Variants in PCDHGA2 observed in about 807,000 individuals in gnomAD.
PCDHGA2 encodes protocadherin gamma-A2.
A neutral mutation model predicts 59.2 loss-of-function variants in PCDHGA2; 40 were observed. That is an observed-to-expected ratio of 0.68 (90% confidence interval 0.52 to 0.88). The LOEUF is 0.88. PCDHGA2 is among the 40% of genes least tolerant of loss of function. PCDHGA2 has a pLI of 0.00. For synonymous variants in PCDHGA2, 560 were observed against 526.0 expected (o/e 1.06, Z -0.89); for missense variants, 1,226 against 1,204.0 (o/e 1.02, Z -0.27).
At chr5:141,444,757 C>T (rs919228537) in intron 1 of PCDHGA2, among the ~76,000 whole-genome samples, 4 of 152,050 alleles carry the variant, frequency 2.6e-5, no homozygotes, top group African/African-American at 9.7e-5. Flanking sequence ...ATATGTAGTT[C>T]TATTTCTATA....
At chr5:141,389,363 C>A (rs776814041) in intron 1 of PCDHGA2, 5 of 1,613,868 alleles carry the variant, frequency 3.1e-6, no homozygotes, top group Non-Finnish European at 4.2e-6. Context: ...TGGCCAGTGA[C>A]CTGGAGCAGC....
rs1217855050 is a variant in PCDHGA2 at position 141,339,285 on chromosome 5, AT to A, written c.318del (p.Phe106LeufsTer9). 13 of 1,614,150 alleles carry A rather than the reference AT, an allele frequency of 8.1e-6. No individual in the cohort carries two copies. The highest frequency in any genetic ancestry group is 1.1e-5 in the Non-Finnish European group (13 of 1,180,064). On this transcript the variant is annotated frameshift_variant, in exon 1 of 4. Transcript: ENST00000394576. LOFTEE classifies it high-confidence loss of function. ...GCTCAGAGCGCACCCTGTCTGTTGA[AT>A]TTTAACATTCTGCTGGAGGATAAAT... The part of the protein sequence containing the change: ...LCAQSAPCLL[N>X]FNILLEDKLT...
chr5:141,463,125 G>A (rs2099053159), intron 1 of PCDHGA2, among the ~76,000 whole-genome samples: 3 of 152,192 alleles, frequency 2.0e-5, no homozygotes, highest in East Asian at 1.9e-4. Context: ...ATAGCTCCCT[G>A]GCAGTTCTTC....
At chr5:141,366,469 G>T (rs575828819) in intron 1 of PCDHGA2, 4 of 1,614,256 alleles carry the variant, frequency 2.5e-6, no homozygotes, top group Admixed American at 1.7e-5. Context: ...TGCTGCTGGT[G>T]CTCAGACTGA....
intron 1 of PCDHGA2, chr5:141,433,260 C>A: frequency 1.5e-6 from 2 of 1,352,308 alleles, no homozygotes; most frequent in South Asian, 1.4e-5. Flanking sequence ...GCGGTACGAT[C>A]ATAGCTCACT....
intron 1 of PCDHGA2, chr5:141,430,861 A>C: frequency 6.3e-7 from 1 of 1,592,834 alleles, no homozygotes; most frequent in Middle Eastern, 1.7e-4. Flanking sequence ...TACGCTATTC[A>C]GTTCCGGAAG....
chr5:141,490,423 T>C lies in PCDHGA2; in HGVS notation c.2425-4384T>C. ...CCTTGATATCTCTCCGGACCTGCCATTTCAGATTAAGCCTTCTGAGAACCA... is the reference window on the plus strand; with the variant it reads ...CCTTGATATCTCTCCGGACCTGCCACTTCAGATTAAGCCTTCTGAGAACCA... On this transcript the variant is annotated intron_variant, in intron 1 of 3. Coordinates refer to ENST00000394576, the MANE Select transcript of PCDHGA2 (RefSeq NM_018915.4). This position sits in a 1 kb window ranked among gnomAD's most constrained non-coding sequence, Gnocchi z 5.4. 6.2e-7 allele frequency: 1 copy of C among 1,614,172 alleles called. No individual in the cohort carries two copies. The highest frequency in any genetic ancestry group is 8.5e-7 in the Non-Finnish European group (1 of 1,180,028).
intron 1 of PCDHGA2, among the ~76,000 whole-genome samples, chr5:141,347,541 C>T (rs529535883): frequency 3.3e-5 from 5 of 152,000 alleles, no homozygotes; most frequent in African/African-American, 1.2e-4. Flanking sequence ...AATCCCAGCA[C>T]TTTGGGAGGC....
chr5:141,448,928 G>C (rs2098617520), intron 1 of PCDHGA2, among the ~76,000 whole-genome samples: 1 of 152,166 alleles, frequency 6.6e-6, no homozygotes, highest in Non-Finnish European at 1.5e-5. Context: ...CTGGGCGACA[G>C]AGCAAGACTG....
intron 1 of PCDHGA2, chr5:141,410,721 A>G (rs2154543206): frequency 1.5e-5 from 21 of 1,395,496 alleles, no homozygotes; most frequent in Non-Finnish European, 2.0e-5. Context: ...ATATGTTTAA[A>G]ATCCATAGCT....
chr5:141,341,624 A>T, intron 1 of PCDHGA2: 1 of 854,132 alleles, frequency 1.2e-6, no homozygotes, highest in Non-Finnish European at 1.8e-6. Context: ...GTTAATAGAT[A>T]AGATTATCCA....
At chr5:141,447,623 C>G (rs940221130) in intron 1 of PCDHGA2, among the ~76,000 whole-genome samples, 1 of 152,042 alleles carries the variant, frequency 6.6e-6, no homozygotes, top group African/African-American at 2.4e-5. Flanking sequence ...AAAGTTGAAA[C>G]CAACAGTATG....
At chr5:141,372,739 G>T (rs778027776) in intron 1 of PCDHGA2, 2 of 1,613,668 alleles carry the variant, frequency 1.2e-6, no homozygotes, top group South Asian at 2.2e-5. Context: ...GATCTTCTAT[G>T]TGATGAAGCC....
chr5:141,413,926 T>C, intron 1 of PCDHGA2: 4 of 1,613,380 alleles, frequency 2.5e-6, no homozygotes, highest in Non-Finnish European at 3.4e-6. Flanking sequence ...CTTGCCAGAA[T>C]ACCGAGTGAG....
At chr5:141,488,578 G>A (rs1286219713) in intron 1 of PCDHGA2, among the ~76,000 whole-genome samples, 2 of 152,178 alleles carry the variant, frequency 1.3e-5, no homozygotes, top group Non-Finnish European at 2.9e-5. Flanking sequence ...AGCATTGCTG[G>A]AGAGTCAGGG....
At chr5:141,444,183 T>G (rs2098423667) in intron 1 of PCDHGA2, among the ~76,000 whole-genome samples, 1 of 138,396 alleles carries the variant, frequency 7.2e-6, no homozygotes, top group African/African-American at 2.8e-5. Flanking sequence ...TTTTTTTTTT[T>G]TTTTTGAGAT....
intron 1 of PCDHGA2, chr5:141,355,438 C>A (rs1313057434): frequency 2.5e-6 from 4 of 1,613,966 alleles, no homozygotes; most frequent in African/African-American, 1.3e-5. Context: ...CCTGAACCCG[C>A]GCAGCGGCAC....
chr5:141,399,346 GACCGAGAGCAA>G, intron 1 of PCDHGA2: 1 of 1,613,890 alleles, frequency 6.2e-7, no homozygotes, highest in Non-Finnish European at 8.5e-7. Flanking sequence ...TGGAACCCTA[GACCGAGAGCAA>G]ACCCCGGAGT....
At chr5:141,500,012 A>G (rs2099795840) in intron 2 of PCDHGA2, among the ~76,000 whole-genome samples, 1 of 151,622 alleles carries the variant, frequency 6.6e-6, no homozygotes, top group Non-Finnish European at 1.5e-5. Flanking sequence ...TAAGGTCCAC[A>G]TTTTATATTT....
Sources: gnomAD v4.1 joint callset for allele counts (sites outside exome capture counted in the v4.1 genomes callset) on GRCh38, gnomAD v4.1.1 for gene constraint, Gnocchi (gnomAD v3.1) non-coding constraint, MANE v1.5 for transcripts, NCBI Gene and HGNC (gene_info 2026-07-23, HGNC 2026-07-21) for gene names.